TRIM29: variants seen among roughly 807,000 people sequenced by gnomAD.
TRIM29 encodes the protein tripartite motif-containing protein 29.
In TRIM29, 52 loss-of-function variants were observed where a neutral mutation model predicts 57.3. That is an observed-to-expected ratio of 0.91 (90% CI 0.73 to 1.14). The LOEUF (loss-of-function observed/expected upper bound fraction) is 1.14, where lower values mean the gene tolerates loss of function less well. TRIM29 is among the 50% of genes most tolerant of loss of function. The pLI, the probability that TRIM29 is intolerant of heterozygous loss-of-function variation, is 0.00. For synonymous variants in TRIM29, 319 were observed against 316.9 expected, an observed-to-expected ratio of 1.01 and a Z score of -0.07; for missense variants, 753 against 774.6, an observed-to-expected ratio of 0.97 and a Z score of 0.33.
In TRIM29 at chr11:120,112,145, T is replaced by C. The variant is rs1207577307; in HGVS notation, c.*269A>G. The C allele has an allele frequency of 4.6e-6, 2 of 438,318 alleles. No homozygotes were observed. Among genetic ancestry groups the C allele is most frequent in the Non-Finnish European group, 8.3e-6 (2 of 240,466 alleles). The allele number at this position is 438,318 out of a possible 1,614,324, so 27.2% of individuals were successfully genotyped here. A position where few individuals can be genotyped will look rare whatever the true frequency, so the allele number is the denominator to read the frequency against. ...GCGGGTTAGGGCAGGCCCCAACCTATCTCACCCCTGTGATGGGTTGGCCTC... is the reference window on the plus strand; with the variant it reads ...GCGGGTTAGGGCAGGCCCCAACCTACCTCACCCCTGTGATGGGTTGGCCTC... On this transcript the variant is annotated 3_prime_UTR_variant, in exon 9 of 9. Transcript: ENST00000341846.
intron 5 of TRIM29, among the ~76,000 whole-genome samples, chr11:120,122,347 C>T (rs963658519): frequency 7.2e-5 from 11 of 152,086 alleles, no homozygotes; most frequent in African/African-American, 1.7e-4. Flanking sequence ...TTGTTGCTGG[C>T]GCCCAAGAAT....
chr11:120,121,868 G>A, intron 5 of TRIM29: 3 of 406,412 alleles, frequency 7.4e-6, no homozygotes, highest in Non-Finnish European at 1.5e-5. Context: ...GAGGGACAGG[G>A]CCAGGGCGAG....
chr11:120,129,982 C>T (rs2135022451), intron 1 of TRIM29, among the ~76,000 whole-genome samples: 1 of 152,206 alleles, frequency 6.6e-6, no homozygotes, highest in Non-Finnish European at 1.5e-5. Flanking sequence ...AGATTTGGCC[C>T]CATCTCTGGA....
In TRIM29 at chr11:120,129,639, T is replaced by C. The variant is rs1477790171; in HGVS notation, c.805-1144A>G. The stretch of plus-strand genomic sequence containing the variant: ...ATGCAACACCATGCGGCACACCTTC[T>C]GAACGCCCCACCGGGCCAAGGAAGT... On this transcript the variant is annotated intron_variant, in intron 1 of 8. Transcript: ENST00000341846. Among the ~76,000 whole-genome samples the C allele has an allele frequency of 5.3e-5, 8 of 151,814 alleles. No homozygotes were observed. The South Asian group carries it at 6.3e-4, about 12-fold the overall frequency.
intron 7 of TRIM29, chr11:120,116,136 G>A (rs115520721): frequency 6.6e-6 from 1 of 152,300 alleles, no homozygotes; most frequent in Admixed American, 6.5e-5. Context: ...GCAGGAATCT[G>A]TCATTGTGGC....
chr11:120,122,931 T>A (rs1336747637), intron 5 of TRIM29, 23 bp downstream of exon 5: 1 of 1,608,248 alleles, frequency 6.2e-7, no homozygotes, highest in Non-Finnish European at 8.5e-7. Context: ...ACACTAGGTC[T>A]GGGGTGAGGG....
At chr11:120,122,857 A>C in intron 5 of TRIM29, 97 bp downstream of exon 5, 1 of 930,218 alleles carries the variant, frequency 1.1e-6, no homozygotes, top group Non-Finnish European at 1.7e-6. Context: ...CATCACCCCC[A>C]CTCAGAAGGA....
At chr11:120,131,012 C>T (rs571855630) in intron 1 of TRIM29, among the ~76,000 whole-genome samples, 7 of 152,034 alleles carry the variant, frequency 4.6e-5, no homozygotes, top group Non-Finnish European at 8.8e-5. Flanking sequence ...AAGAGGGAAG[C>T]GTAGCTCATG....
intron 8 of TRIM29, among the ~76,000 whole-genome samples, chr11:120,114,678 T>G (rs1863222593): frequency 6.6e-6 from 1 of 152,122 alleles, no homozygotes; most frequent in Non-Finnish European, 1.5e-5. Context: ...ATGTCAGATC[T>G]AACGGGCACT....
rs918761519 is a variant in TRIM29, at chr11:120,119,569, C to G, written c.1528+1004G>C. ...TTCCTGACCCCCTCCTACTTTTGAG[C>G]TCTGGGCCTGTAGCAGCGAACAGGA... On this transcript the variant is annotated intron_variant, in intron 6 of 8. Coordinates refer to ENST00000341846, the MANE Select transcript of TRIM29 (RefSeq NM_012101.4). Among the ~76,000 whole-genome samples the G allele has an allele frequency of 8.5e-5, 13 of 152,196 alleles. No individual in the cohort carries two copies. The East Asian group carries it at 2.1e-3, about 25-fold the overall frequency.
intron 8 of TRIM29, among the ~76,000 whole-genome samples, chr11:120,113,030 A>T (rs964707564): frequency 1.6e-4 from 24 of 151,544 alleles, no homozygotes; most frequent in Non-Finnish European, 3.5e-4. Context: ...CAAAACCCAC[A>T]CCCCCAGCTG....
chr11:120,115,045 C>A (rs1198143179), intron 8 of TRIM29, among the ~76,000 whole-genome samples: 1 of 152,198 alleles, frequency 6.6e-6, no homozygotes, highest in African/African-American at 2.4e-5. Context: ...ATTCCACTAG[C>A]ATAGGCATCC....
At chr11:120,120,993 G>C (rs1863430900) in intron 5 of TRIM29, 1 of 402,360 alleles carries the variant, frequency 2.5e-6, no homozygotes, top group South Asian at 2.1e-5. Context: ...CACCTCCCAG[G>C]GGCCCACCCA....
At chr11:120,122,306 C>T (rs189478853) in intron 5 of TRIM29, among the ~76,000 whole-genome samples, 2 of 152,282 alleles carry the variant, frequency 1.3e-5, no homozygotes, top group East Asian at 3.9e-4. Flanking sequence ...GGCTGGCACA[C>T]CCACCCTTAT....
intron 7 of TRIM29, chr11:120,115,764 T>G: frequency 1.2e-5 from 3 of 252,956 alleles, no homozygotes; most frequent in Non-Finnish European, 2.3e-5. Flanking sequence ...GGCCCTCCCC[T>G]TCCCAGAGCC....
intron 6 of TRIM29, 140 bp downstream of exon 6, chr11:120,120,433 G>C: frequency 1.4e-6 from 1 of 735,746 alleles, no homozygotes. Flanking sequence ...CCCATGCCTG[G>C]ACCCTCCACC....
Position 120,123,070 on chromosome 11 carries a change from G to A in TRIM29, c.1334-15C>T. ...ATGGTCACCACCTAGGAAGCAGAGG[G>A]TCGGGTCAGCAGAGGAGCCAGGTGG... On this transcript the variant is annotated splice_polypyrimidine_tract_variant and intron_variant, in intron 4 of 8. Coordinates refer to ENST00000341846, the MANE Select transcript of TRIM29 (RefSeq NM_012101.4). 6.2e-7 allele frequency: 1 copy of A among 1,613,478 alleles called. No individual in the cohort carries two copies. Among genetic ancestry groups the A allele is most frequent in the Non-Finnish European group, 8.5e-7 (1 of 1,179,450 alleles).
rs1304468840 is a variant in TRIM29 at position 120,120,763 on chromosome 11, A to C, written c.1436-98T>G. 4.2e-6 allele frequency: 4 copies of C among 957,640 alleles called. No homozygotes were observed. In the Admixed American group the frequency reaches 7.9e-5, roughly 19 times the overall value. The allele number at this position is 957,640 out of a possible 1,614,324, so 59.3% of individuals were successfully genotyped here. A position where few individuals can be genotyped will look rare whatever the true frequency, so the allele number is the denominator to read the frequency against. ...CCCAAGTGCCCATCACAGGACCTGGATTCCACCACTGAGAGAAGTCCTTTG... is the reference window on the plus strand; with the variant it reads ...CCCAAGTGCCCATCACAGGACCTGGCTTCCACCACTGAGAGAAGTCCTTTG... On this transcript the variant is annotated intron_variant, in intron 5 of 8. Coordinates refer to ENST00000341846, the MANE Select transcript of TRIM29 (RefSeq NM_012101.4).
rs375286638 is a variant in TRIM29, at chr11:120,112,586, C to A, written c.1705-110G>T. The A allele has an allele frequency of 1.3e-4, 158 of 1,178,324 alleles. 1 individual carries two copies. In the African/African-American group the frequency reaches 2.2e-3, roughly 16 times the overall value. The allele number at this position is 1,178,324 out of a possible 1,614,324, so 73.0% of individuals were successfully genotyped here. ...GAGGCAGCAGTGATCCAAGACCCGA[C>A]AATTCTAGGGGCCTTTTTGGCCTGA... On this transcript the variant is annotated intron_variant, in intron 8 of 8. Transcript: ENST00000341846.
Sources: gnomAD v4.1 joint callset for allele counts (sites outside exome capture counted in the v4.1 genomes callset) on GRCh38, gnomAD v4.1.1 for gene constraint, MANE v1.5 for transcripts, NCBI Gene and HGNC (gene_info 2026-07-23, HGNC 2026-07-21) for gene names.